RNF157: variants seen among roughly 807,000 people sequenced by gnomAD.
RNF157 encodes ring finger protein 157.
Under a neutral mutation model 88.3 loss-of-function variants are expected in RNF157, and 55 were observed. That is an observed-to-expected ratio of 0.62 (90% CI 0.50 to 0.78). RNF157 has a LOEUF of 0.78. Among genes scored for constraint, RNF157 ranks in the 30% least tolerant of loss-of-function variants. RNF157 has a pLI of 0.00. For missense variants in RNF157, 788 were observed against 860.8 expected (o/e 0.92, Z 1.06); for synonymous variants, 334 against 341.2 (o/e 0.98, Z 0.23).
At chr17:76,189,562 G>C (rs1338620997) in intron 2 of RNF157, among the ~76,000 whole-genome samples, 2 of 152,170 alleles carry the variant, frequency 1.3e-5, no homozygotes, top group African/African-American at 4.8e-5. Context: ...CAGGAAAACA[G>C]GTACTACACA....
At chr17:76,159,898 T>C (rs987218629) in intron 11 of RNF157, among the ~76,000 whole-genome samples, 1 of 152,250 alleles carries the variant, frequency 6.6e-6, no homozygotes, top group Non-Finnish European at 1.5e-5. Context: ...CTGGTGTCTC[T>C]TCTTCCCATT....
intron 1 of RNF157, among the ~76,000 whole-genome samples, chr17:76,227,109 CTTT>C: frequency 6.7e-6 from 1 of 150,126 alleles, no homozygotes; most frequent in Non-Finnish European, 1.5e-5. Flanking sequence ...TTAATAACCT[CTTT>C]TTTTGTTTTT....
At chr17:76,233,812 C>T (rs2070235517) in intron 1 of RNF157, among the ~76,000 whole-genome samples, 1 of 152,234 alleles carries the variant, frequency 6.6e-6, no homozygotes, top group Non-Finnish European at 1.5e-5. Flanking sequence ...GGATTACAGG[C>T]ATGAGTCACC....
intron 2 of RNF157, among the ~76,000 whole-genome samples, chr17:76,193,981 G>T (rs1352049354): frequency 6.6e-6 from 1 of 152,114 alleles, no homozygotes; most frequent in East Asian, 1.9e-4. Flanking sequence ...GGACTCCCTG[G>T]ACTACATGGG....
intron 1 of RNF157, among the ~76,000 whole-genome samples, chr17:76,222,947 G>A (rs2145053280): frequency 6.6e-6 from 1 of 151,818 alleles, no homozygotes; most frequent in East Asian, 1.9e-4. Flanking sequence ...TTGGAGTGCA[G>A]AGGCCCGATC....
chr17:76,150,054 CA>C (rs1321748169), intron 18 of RNF157, among the ~76,000 whole-genome samples: 1 of 152,038 alleles, frequency 6.6e-6, no homozygotes, highest in Non-Finnish European at 1.5e-5. Context: ...AAAACAAAAA[CA>C]AAAAAACTCA....
At chr17:76,211,545 G>C in intron 2 of RNF157, among the ~76,000 whole-genome samples, 1 of 152,252 alleles carries the variant, frequency 6.6e-6, no homozygotes, top group East Asian at 1.9e-4. Flanking sequence ...GGCAAACCTA[G>C]TTACATGACT....
intron 1 of RNF157, chr17:76,226,343 G>A (rs2070084660): frequency 6.2e-7 from 1 of 1,600,120 alleles, no homozygotes. Flanking sequence ...GGTGAAGGGG[G>A]CAACCTGGTC....
intron 2 of RNF157, among the ~76,000 whole-genome samples, chr17:76,186,073 G>C (rs1244307947): frequency 6.6e-6 from 1 of 151,782 alleles, no homozygotes; most frequent in Non-Finnish European, 1.5e-5. Flanking sequence ...TTTTTGATAG[G>C]CCAATTACTA....
Position 76,195,767 on chromosome 17 carries a change from G to C in RNF157, c.207+16597C>G, listed in dbSNP as rs2144961585. On this transcript the variant is annotated intron_variant, in intron 2 of 18. Coordinates refer to ENST00000269391, the MANE Select transcript of RNF157 (RefSeq NM_052916.3). The surrounding 1 kb of genome is among the most constrained non-coding windows in gnomAD (Gnocchi z 4.4). Reference sequence around the variant, plus strand: ...GCCATTGAGGTAGGATGTAGGACTTGACTCAAGAAGTGAGACTCAACTCCA... The same window carrying C: ...GCCATTGAGGTAGGATGTAGGACTTCACTCAAGAAGTGAGACTCAACTCCA... 6.6e-6 allele frequency among the ~76,000 whole-genome samples: 1 copy of C among 152,324 alleles called. No individual in the cohort carries two copies. The highest frequency in any genetic ancestry group is 1.5e-5 in the Non-Finnish European group (1 of 68,032).
chr17:76,146,849 T>G lies in RNF157; in HGVS notation c.1922-1496A>C. ...CAACTGTAGAGTGTGGCCGTGAGGT[T>G]GAGAGAGGCCACTCACAAGTGTCCA... On this transcript the variant is annotated intron_variant, in intron 18 of 18. Coordinates refer to ENST00000269391, the MANE Select transcript of RNF157 (RefSeq NM_052916.3). This position sits in a 1 kb window ranked among gnomAD's most constrained non-coding sequence, Gnocchi z 4.2. The G allele has an allele frequency of 1.0e-6, 1 of 985,438 alleles. No individual in the cohort carries two copies. The highest frequency in any genetic ancestry group is 1.2e-6 in the Non-Finnish European group (1 of 829,938). 61.0% of individuals were successfully genotyped at this position (985,438 alleles called of 1,614,324 possible).
chr17:76,181,170 C>T (rs905738943), intron 2 of RNF157, among the ~76,000 whole-genome samples: 1 of 152,196 alleles, frequency 6.6e-6, no homozygotes, highest in African/African-American at 2.4e-5. Flanking sequence ...GGCAAGTCTA[C>T]AGGCTCTTCT....
intron 2 of RNF157, among the ~76,000 whole-genome samples, chr17:76,210,678 C>G (rs2069780709): frequency 6.6e-6 from 1 of 151,294 alleles, no homozygotes; most frequent in South Asian, 2.1e-4. Flanking sequence ...AGATGGAAGA[C>G]CATCATCAGA....
chr17:76,147,389 C>G (rs916074557), intron 18 of RNF157: 15 of 950,602 alleles, frequency 1.6e-5, no homozygotes, highest in Middle Eastern at 3.8e-4. Context: ...AACAGCAGCA[C>G]CACCACCACC....
At position 76,146,896 on chromosome 17, in the gene RNF157, AG is replaced by A; in HGVS notation, c.1922-1544del. ...TCCAGGGTCAGCCTCAGGCCAGCCC[AG>A]GACATGAAACCCTTTAATGGCATGT... On this transcript the variant is annotated intron_variant, in intron 18 of 18. Coordinates refer to ENST00000269391, the MANE Select transcript of RNF157 (RefSeq NM_052916.3). This position sits in a 1 kb window ranked among gnomAD's most constrained non-coding sequence, Gnocchi z 4.2. 1 of 985,446 alleles carries A rather than the reference AG, an allele frequency of 1.0e-6. No individual in the cohort carries two copies. Among genetic ancestry groups the A allele is most frequent in the Non-Finnish European group, 1.2e-6 (1 of 829,922 alleles). 61.0% of individuals were successfully genotyped at this position (985,446 alleles called of 1,614,324 possible). A position where few individuals can be genotyped will look rare whatever the true frequency, so the allele number is the denominator to read the frequency against.
At position 76,142,692 on chromosome 17, in the gene RNF157, C is replaced by T. The variant is rs1186611272; in HGVS notation, c.*2543G>A. 1 of 152,450 alleles carries T rather than the reference C, an allele frequency of 6.6e-6. No homozygotes were observed. The highest frequency in any genetic ancestry group is 1.9e-4 in the East Asian group (1 of 5,188). 9.4% of individuals were successfully genotyped at this position (152,450 alleles called of 1,614,324 possible). A position where few individuals can be genotyped will look rare whatever the true frequency, so the allele number is the denominator to read the frequency against. ...TCCAGGTGGGCAGGACCCCAACTCC[C>T]AGGTGAGGTGGGCAGGACCCTAACT... is the stretch of plus-strand genomic sequence containing the variant. On this transcript the variant is annotated 3_prime_UTR_variant, in exon 19 of 19. Coordinates refer to ENST00000269391, the MANE Select transcript of RNF157 (RefSeq NM_052916.3).
In RNF157 at chr17:76,152,348, C is replaced by T. The variant is rs143071812; in HGVS notation, c.1921+7G>A. 1.7e-5 allele frequency: 26 copies of T among 1,565,598 alleles called. No homozygotes were observed. Among genetic ancestry groups the T allele is most frequent in the Non-Finnish European group, 2.1e-5 (24 of 1,135,736 alleles). On this transcript the variant is annotated splice_region_variant and intron_variant, in intron 18 of 18. Coordinates refer to ENST00000269391, the MANE Select transcript of RNF157 (RefSeq NM_052916.3). The stretch of plus-strand genomic sequence containing the variant: ...ACCAAGTTCATGTTCAGCAGACTGA[C>T]ACTCACCAGGTAAGCAGACCTCAGA...
At position 76,162,161 on chromosome 17, in the gene RNF157, C is replaced by T. The variant is rs189004164; in HGVS notation, c.793-159G>A. 7.0e-5 allele frequency: 48 copies of T among 684,148 alleles called. 1 individual carries two copies. The East Asian group carries it at 1.0e-3, about 15-fold the overall frequency. The allele number at this position is 684,148 out of a possible 1,614,324, so 42.4% of individuals were successfully genotyped here. A position where few individuals can be genotyped will look rare whatever the true frequency, so the allele number is the denominator to read the frequency against. On this transcript the variant is annotated intron_variant, in intron 9 of 18. Coordinates refer to ENST00000269391, the MANE Select transcript of RNF157 (RefSeq NM_052916.3). Reference sequence around the variant, plus strand: ...GTCATTTTCCCAGTGCGTCCACACACTTAGCTTCACTTCTTCTGGGAAGTG... The same window carrying T: ...GTCATTTTCCCAGTGCGTCCACACATTTAGCTTCACTTCTTCTGGGAAGTG...
intron 1 of RNF157, among the ~76,000 whole-genome samples, chr17:76,235,739 T>C (rs1598453306): frequency 6.6e-6 from 1 of 152,196 alleles, no homozygotes; most frequent in African/African-American, 2.4e-5. Flanking sequence ...CTGGGTACGG[T>C]AGATCACTTC....
Sources: gnomAD v4.1 joint callset for allele counts (sites outside exome capture counted in the v4.1 genomes callset) on GRCh38, gnomAD v4.1.1 for gene constraint, Gnocchi (gnomAD v3.1) non-coding constraint, MANE v1.5 for transcripts, NCBI Gene and HGNC (gene_info 2026-07-23, HGNC 2026-07-21) for gene names.